Variants in SPON1 observed in about 807,000 individuals in gnomAD.
The protein encoded by SPON1 is spondin 1.
A neutral mutation model predicts 111.7 loss-of-function variants in SPON1; 52 were observed. The observed-to-expected ratio is 0.47, with a 90% CI of 0.37 to 0.59. The LOEUF is 0.59. SPON1 is among the 20% of genes least tolerant of loss of function. The pLI is 0.00. For synonymous variants in SPON1, 410 were observed against 395.8 expected, an observed-to-expected ratio of 1.04 and a Z score of -0.43; for missense variants, 957 against 1,068.5, an observed-to-expected ratio of 0.90 and a Z score of 1.46.
At chr11:14,180,718 G>A (rs782640969) in intron 6 of SPON1, among the ~76,000 whole-genome samples, 2 of 152,134 alleles carry the variant, frequency 1.3e-5, no homozygotes, top group Non-Finnish European at 2.9e-5. Flanking sequence ...GGGAGTTGAC[G>A]CATGTCTGTG....
rs539191739 is a variant in SPON1, at chr11:14,207,794, G to A, written c.826-35538G>A. Among the ~76,000 whole-genome samples, 3 of 152,282 alleles carry A rather than the reference G, an allele frequency of 2.0e-5. No individual in the cohort carries two copies. In the East Asian group the frequency reaches 5.8e-4, roughly 29 times the overall value. ...TTCAACCATTGTGGAAGACAGTGTG[G>A]CAATTCCTCAAAGACCTAGAGACAG... is the stretch of plus-strand genomic sequence containing the variant. On this transcript the variant is annotated intron_variant, in intron 6 of 15. Transcript: ENST00000576479.
intron 6 of SPON1, among the ~76,000 whole-genome samples, chr11:14,207,295 G>A (rs1339757579): frequency 6.6e-6 from 1 of 152,084 alleles, no homozygotes; most frequent in Admixed American, 6.6e-5. Flanking sequence ...TACCATTTAG[G>A]ACATAGGCAC....
At chr11:14,059,529 A>G (rs181244401) in intron 3 of SPON1, among the ~76,000 whole-genome samples, 1 of 152,230 alleles carries the variant, frequency 6.6e-6, no homozygotes, top group Admixed American at 6.5e-5. Flanking sequence ...TGCCAGGCTA[A>G]TGCTAGGAAC....
chr11:13,996,686 T>G (rs781846169), intron 2 of SPON1, among the ~76,000 whole-genome samples: 1 of 151,800 alleles, frequency 6.6e-6, no homozygotes, highest in Non-Finnish European at 1.5e-5. Context: ...AGGTTATATA[T>G]TATATAGAAA....
chr11:14,062,091 G>A (rs1848795547), intron 3 of SPON1, among the ~76,000 whole-genome samples: 1 of 150,704 alleles, frequency 6.6e-6, no homozygotes, highest in South Asian at 2.1e-4. Flanking sequence ...AAGTGCTCTA[G>A]ACAATTGTCC....
intron 5 of SPON1, among the ~76,000 whole-genome samples, chr11:14,102,112 A>T (rs1849148057): frequency 6.6e-6 from 1 of 152,224 alleles, no homozygotes; most frequent in African/African-American, 2.4e-5. Context: ...GGATGCTCTT[A>T]CAAAATTACA....
chr11:14,129,172 A>G (rs1235320358), intron 5 of SPON1, among the ~76,000 whole-genome samples: 1 of 151,252 alleles, frequency 6.6e-6, no homozygotes, highest in African/African-American at 2.5e-5. Flanking sequence ...TCCCCAGAAA[A>G]TGTTTTTTTT....
chr11:14,041,721 A>T, intron 3 of SPON1, 67 bp downstream of exon 3: 1 of 1,577,858 alleles, frequency 6.3e-7, no homozygotes, highest in Non-Finnish European at 8.6e-7. Context: ...CAGGGAAAAA[A>T]AAAAAAGTTC....
At chr11:14,159,671 G>T (rs1847888196) in intron 6 of SPON1, among the ~76,000 whole-genome samples, 2 of 151,932 alleles carry the variant, frequency 1.3e-5, no homozygotes, top group Non-Finnish European at 2.9e-5. Context: ...AAGAAAATGT[G>T]ATATATATAC....
chr11:14,247,801 A>G (rs1477971133), intron 7 of SPON1, among the ~76,000 whole-genome samples: 1 of 152,214 alleles, frequency 6.6e-6, no homozygotes, highest in African/African-American at 2.4e-5. Context: ...TTCTAAGTGT[A>G]AGTTGTTAAG....
chr11:13,990,710 C>A (rs1554911062), intron 2 of SPON1, among the ~76,000 whole-genome samples: 2 of 151,878 alleles, frequency 1.3e-5, no homozygotes, highest in East Asian at 3.9e-4. Flanking sequence ...TGGCTGATAC[C>A]AGTTGTTCCT....
At chr11:14,211,718 G>A (rs1554936755) in intron 6 of SPON1, among the ~76,000 whole-genome samples, 2 of 152,238 alleles carry the variant, frequency 1.3e-5, no homozygotes, top group African/African-American at 4.8e-5. Context: ...TGAAAACATG[G>A]TGTATAGTAA....
intron 2 of SPON1, among the ~76,000 whole-genome samples, chr11:14,007,640 A>C (rs541751710): frequency 2.4e-4 from 36 of 152,202 alleles, no homozygotes; most frequent in Non-Finnish European, 5.0e-4. Context: ...AATACTTTGC[A>C]TCCTTCAATC....
chr11:14,257,568 T>C lies in SPON1; in HGVS notation c.1310-148T>C. The C allele has an allele frequency of 7.0e-6, 4 of 570,672 alleles. No homozygotes were observed. In the South Asian group the frequency reaches 1.2e-4, roughly 16 times the overall value. 35.4% of individuals were successfully genotyped at this position (570,672 alleles called of 1,614,324 possible). On this transcript the variant is annotated intron_variant, in intron 10 of 15. Coordinates refer to ENST00000576479, the MANE Select transcript of SPON1 (RefSeq NM_006108.4). ...ACTATTATCTTTAAAGGGAAGTGGA[T>C]GGCTGCTTCCATCCCAGGAGCACCC... is the stretch of plus-strand genomic sequence containing the variant.
chr11:14,128,446 T>C (rs1554927221), intron 5 of SPON1, among the ~76,000 whole-genome samples: 4 of 152,200 alleles, frequency 2.6e-5, no homozygotes, highest in African/African-American at 9.7e-5. Flanking sequence ...GTGTCTCATA[T>C]CCAGGCCACG....
At chr11:13,965,400 T>C (rs912427811) in intron 1 of SPON1, among the ~76,000 whole-genome samples, 2 of 152,202 alleles carry the variant, frequency 1.3e-5, no homozygotes, top group Admixed American at 6.5e-5. Flanking sequence ...CGTGTTTTAG[T>C]TGAGCATTGG....
At chr11:14,250,709 C>T (rs1849044202) in intron 7 of SPON1, among the ~76,000 whole-genome samples, 1 of 152,108 alleles carries the variant, frequency 6.6e-6, no homozygotes, top group African/African-American at 2.4e-5. Flanking sequence ...GAAGACATGG[C>T]ATATACAAAA....
At chr11:14,079,442 C>T (rs1001365643) in intron 4 of SPON1, among the ~76,000 whole-genome samples, 40 of 152,272 alleles carry the variant, frequency 2.6e-4, no homozygotes, top group African/African-American at 9.1e-4. Context: ...GCTTCAAAGT[C>T]ATTCCTTCTG....
At chr11:14,236,503 G>T (rs539042511) in intron 6 of SPON1, among the ~76,000 whole-genome samples, 9 of 152,308 alleles carry the variant, frequency 5.9e-5, no homozygotes, top group African/African-American at 1.9e-4. Flanking sequence ...TGGCTGATAT[G>T]CAAGTCTAGA....
Sources: allele counts gnomAD v4.1 joint callset (sites outside exome capture counted in the v4.1 genomes callset), GRCh38; gene constraint gnomAD v4.1.1; transcripts MANE v1.5; gene names NCBI Gene and HGNC (gene_info 2026-07-23, HGNC 2026-07-21).